Variants in ABTB3 observed in about 807,000 individuals in gnomAD.
ABTB3 encodes ankyrin repeat- and BTB/POZ domain-containing protein 3.
chr12:107,482,320 A>G, the ABTB3 span, among the ~76,000 whole-genome samples: 1 of 152,166 alleles, frequency 6.6e-6, no homozygotes, highest in African/African-American at 2.4e-5. Flanking sequence ...CCTGGAGAAC[A>G]AGAGGTGAAG....
At chr12:107,520,545 G>C in the ABTB3 span, 1 of 1,614,098 alleles carries the variant, frequency 6.2e-7, no homozygotes, top group Non-Finnish European at 8.5e-7. Flanking sequence ...GGTCAAACAA[G>C]CCAGGGGAAC....
At chr12:107,549,361 T>C in the ABTB3 span, among the ~76,000 whole-genome samples, 110 of 152,366 alleles carry the variant, frequency 7.2e-4, no homozygotes, top group Non-Finnish European at 1.2e-3. Context: ...ATCTCTGTGA[T>C]GTATGTGACA....
the ABTB3 span, among the ~76,000 whole-genome samples, chr12:107,624,634 G>T: frequency 3.0e-4 from 46 of 152,188 alleles, no homozygotes; most frequent in Non-Finnish European, 6.2e-4. Context: ...ATTCTCTGAA[G>T]ATCATCCAGG....
chr12:107,420,515 G>A, the ABTB3 span, among the ~76,000 whole-genome samples: 211 of 152,186 alleles, frequency 1.4e-3, 5 homozygotes, highest in Non-Finnish European at 5.0e-4. Context: ...AGAACAGCAC[G>A]GGTAAAACCC....
At chr12:107,528,247 A>C in the ABTB3 span, among the ~76,000 whole-genome samples, 48 of 152,284 alleles carry the variant, frequency 3.2e-4, no homozygotes, top group Non-Finnish European at 6.3e-4. Flanking sequence ...GTGGCACTGG[A>C]AATGATAGTA....
chr12:107,318,677 G>T, the ABTB3 span: 1 of 455,070 alleles, frequency 2.2e-6, no homozygotes, highest in Non-Finnish European at 3.9e-6. Context: ...CCCGGCGGGA[G>T]CTTCCTTCCC....
chr12:107,408,504 A>G, the ABTB3 span, among the ~76,000 whole-genome samples: 5 of 152,190 alleles, frequency 3.3e-5, no homozygotes, highest in Admixed American at 3.3e-4. Flanking sequence ...GCTGGGCTAG[A>G]TTTAGGGAGA....
the ABTB3 span, among the ~76,000 whole-genome samples, chr12:107,535,924 C>CA: frequency 1.3e-5 from 2 of 151,920 alleles, no homozygotes; most frequent in South Asian, 2.1e-4. Flanking sequence ...TATGGAAATA[C>CA]AAAAAACCCT....
the ABTB3 span, among the ~76,000 whole-genome samples, chr12:107,581,977 C>G: frequency 6.6e-6 from 1 of 152,220 alleles, no homozygotes; most frequent in African/African-American, 2.4e-5. Context: ...CGACTCCCCC[C>G]ACTCCCAGCT....
the ABTB3 span, among the ~76,000 whole-genome samples, chr12:107,353,569 G>C: frequency 6.6e-6 from 1 of 152,148 alleles, no homozygotes; most frequent in Admixed American, 6.5e-5. Flanking sequence ...TTGCTTAAAG[G>C]ATTACATAAT....
At chr12:107,414,803 C>T in the ABTB3 span, among the ~76,000 whole-genome samples, 1 of 150,896 alleles carries the variant, frequency 6.6e-6, no homozygotes, top group African/African-American at 2.4e-5. Flanking sequence ...CTGCAACCTT[C>T]AGCTCCCAGG....
the ABTB3 span, among the ~76,000 whole-genome samples, chr12:107,457,009 G>A: frequency 4.6e-5 from 7 of 152,038 alleles, no homozygotes; most frequent in African/African-American, 9.7e-5. Flanking sequence ...GCAGGCACCC[G>A]CCACCACGCC....
the ABTB3 span, among the ~76,000 whole-genome samples, chr12:107,339,858 C>T: frequency 1.3e-5 from 2 of 152,278 alleles, no homozygotes; most frequent in South Asian, 2.1e-4. Context: ...GCCTTCTTAT[C>T]TATGGAGGCC....
At chr12:107,593,148 G>C in the ABTB3 span, among the ~76,000 whole-genome samples, 1 of 152,184 alleles carries the variant, frequency 6.6e-6, no homozygotes, top group Non-Finnish European at 1.5e-5. Flanking sequence ...CATAGAGCAG[G>C]GGTGAGCAAA....
the ABTB3 span, among the ~76,000 whole-genome samples, chr12:107,426,916 G>A: frequency 6.6e-6 from 1 of 152,042 alleles, no homozygotes; most frequent in Non-Finnish European, 1.5e-5. Context: ...CCTGTGACCT[G>A]GCAGTAGCCC....
the ABTB3 span, among the ~76,000 whole-genome samples, chr12:107,569,975 G>T: frequency 6.6e-6 from 1 of 152,230 alleles, no homozygotes; most frequent in Admixed American, 6.5e-5. Flanking sequence ...ACTAGAGAAG[G>T]TTGGGCCTCT....
chr12:107,350,571 G>C, the ABTB3 span, among the ~76,000 whole-genome samples: 8 of 151,716 alleles, frequency 5.3e-5, no homozygotes, highest in Admixed American at 5.3e-4. Context: ...TTATTATTCT[G>C]CTTCCCCAGA....
At chr12:107,323,565 C>A in the ABTB3 span, among the ~76,000 whole-genome samples, 1 of 152,226 alleles carries the variant, frequency 6.6e-6, no homozygotes, top group Admixed American at 6.5e-5. Context: ...CTAAGGGACC[C>A]CATTGATGTT....
chr12:107,377,037 AC>A, the ABTB3 span, among the ~76,000 whole-genome samples: 1 of 152,028 alleles, frequency 6.6e-6, no homozygotes, highest in Non-Finnish European at 1.5e-5. Context: ...CTGCTCAGAT[AC>A]CCCTTCAGGA....
Sources: allele counts gnomAD v4.1 joint callset (sites outside exome capture counted in the v4.1 genomes callset), GRCh38; gene constraint gnomAD v4.1.1; transcripts MANE v1.5; gene names NCBI Gene and HGNC (gene_info 2026-07-23, HGNC 2026-07-21).